The following RANBP2 variants were observed in gnomAD, a reference collection of about 807,000 sequenced individuals.
The protein encoded by RANBP2 is RAN binding protein 2, also known as E3 SUMO-protein ligase RanBP2.
A neutral mutation model predicts 303.6 loss-of-function variants in RANBP2; 57 were observed. The observed-to-expected ratio is 0.19, with a 90% confidence interval of 0.15 to 0.23. The LOEUF is 0.23. Ranked by LOEUF, RANBP2 falls within the 10% of genes least tolerant of loss-of-function variation. The probability of loss-of-function intolerance (pLI) is 1.00; values close to 1 mark genes in which losing one functional copy is unlikely to be tolerated. For synonymous variants in RANBP2, 1,167 were observed against 1,301.5 expected (o/e 0.90, Z 2.23); for missense variants, 3,138 against 3,780.8 (o/e 0.83, Z 4.46).
the RANBP2 span, among the ~76,000 whole-genome samples, chr2:109,722,974 G>C: frequency 6.6e-6 from 1 of 152,012 alleles, no homozygotes; most frequent in African/African-American, 2.4e-5. Flanking sequence ...ATTCCATTGC[G>C]TCTATACCCA....
At chr2:108,938,535 G>C in the RANBP2 span, among the ~76,000 whole-genome samples, 1 of 152,162 alleles carries the variant, frequency 6.6e-6, no homozygotes, top group Non-Finnish European at 1.5e-5. Flanking sequence ...TTCAGAGGGA[G>C]AGCACTTATC....
At chr2:109,296,747 C>T in the RANBP2 span, among the ~76,000 whole-genome samples, 4 of 152,106 alleles carry the variant, frequency 2.6e-5, no homozygotes, top group Non-Finnish European at 2.9e-5. Context: ...GCAGAGGATT[C>T]GCGTGGCCTG....
At chr2:109,651,327 T>C in the RANBP2 span, among the ~76,000 whole-genome samples, 2 of 152,068 alleles carry the variant, frequency 1.3e-5, no homozygotes, top group Admixed American at 6.5e-5. Context: ...TGAATATACA[T>C]AAGACTGGGC....
chr2:108,762,735 A>G (rs1165086509), intron 19 of RANBP2, among the ~76,000 whole-genome samples: 1 of 151,192 alleles, frequency 6.6e-6, no homozygotes, highest in Non-Finnish European at 1.5e-5. Flanking sequence ...AAAATGAGAT[A>G]ATAATGTAAA....
chr2:109,449,258 C>T, the RANBP2 span: 2 of 1,612,700 alleles, frequency 1.2e-6, no homozygotes, highest in Admixed American at 1.7e-5. Context: ...GCCTGCCTGC[C>T]ACCAGCCTCA....
chr2:109,447,248 A>T, the RANBP2 span, among the ~76,000 whole-genome samples: 11 of 151,768 alleles, frequency 7.2e-5, no homozygotes, highest in African/African-American at 2.7e-4. Flanking sequence ...TAGAAACAGC[A>T]GGCTGCCTAA....
chr2:109,374,590 G>A, the RANBP2 span, among the ~76,000 whole-genome samples: 1 of 152,162 alleles, frequency 6.6e-6, no homozygotes, highest in Non-Finnish European at 1.5e-5. Flanking sequence ...CTTCCATCTT[G>A]GGCTACTGCA....
At chr2:108,931,099 A>T in the RANBP2 span, 1 of 1,319,330 alleles carries the variant, frequency 7.6e-7, no homozygotes. Flanking sequence ...GGCTACCTTT[A>T]TTTAACCCCA....
At chr2:109,099,084 G>C in the RANBP2 span, among the ~76,000 whole-genome samples, 1 of 152,188 alleles carries the variant, frequency 6.6e-6, no homozygotes, top group African/African-American at 2.4e-5. Flanking sequence ...CTTTGAGAAA[G>C]GAACGAGTGG....
At chr2:109,005,226 G>A in the RANBP2 span, among the ~76,000 whole-genome samples, 1 of 152,192 alleles carries the variant, frequency 6.6e-6, no homozygotes, top group African/African-American at 2.4e-5. Flanking sequence ...CTGAAGCACT[G>A]CAGCAATCTA....
chr2:109,475,702 CT>C, the RANBP2 span, among the ~76,000 whole-genome samples: 1 of 152,248 alleles, frequency 6.6e-6, no homozygotes, highest in African/African-American at 2.4e-5. Flanking sequence ...CAGTAGCACG[CT>C]GCTGCACCCC....
chr2:108,851,911 G>A, the RANBP2 span, among the ~76,000 whole-genome samples: 1 of 152,110 alleles, frequency 6.6e-6, no homozygotes, highest in African/African-American at 2.4e-5. Flanking sequence ...TAGTGATGAG[G>A]TTTACAAAGG....
the RANBP2 span, among the ~76,000 whole-genome samples, chr2:109,434,636 G>A: frequency 1.3e-5 from 2 of 152,160 alleles, no homozygotes; most frequent in East Asian, 3.9e-4. Context: ...CTTGCTATAT[G>A]AAGCCTTGCC....
At chr2:109,073,448 C>T in the RANBP2 span, among the ~76,000 whole-genome samples, 3 of 151,956 alleles carry the variant, frequency 2.0e-5, no homozygotes, top group Non-Finnish European at 4.4e-5. Flanking sequence ...GTGGGTGGAT[C>T]ACGAGGTCAG....
the RANBP2 span, among the ~76,000 whole-genome samples, chr2:109,287,244 A>G: frequency 6.6e-6 from 1 of 152,190 alleles, no homozygotes; most frequent in Admixed American, 6.5e-5. Context: ...GGTCTAGCGA[A>G]TGGCCCCTTG....
chr2:109,556,195 TTG>T, the RANBP2 span, among the ~76,000 whole-genome samples: 2 of 152,280 alleles, frequency 1.3e-5, 1 homozygote, highest in Middle Eastern at 6.8e-3. Context: ...GTGTAGAATT[TTG>T]GAGGTATAAT....
chr2:109,264,360 G>T, the RANBP2 span, among the ~76,000 whole-genome samples: 2 of 147,926 alleles, frequency 1.4e-5, no homozygotes, highest in Non-Finnish European at 3.0e-5. Context: ...CGAGTCTGTG[G>T]GTGCTCCCCG....
the RANBP2 span, among the ~76,000 whole-genome samples, chr2:109,215,813 G>C: frequency 0.045 from 6,851 of 152,234 alleles, 494 homozygotes; most frequent in African/African-American, 0.16. Flanking sequence ...CCTGTGTTCA[G>C]GTTGCACGAG....
At chr2:109,493,786 C>G in the RANBP2 span, among the ~76,000 whole-genome samples, 2 of 152,074 alleles carry the variant, frequency 1.3e-5, no homozygotes, top group Non-Finnish European at 2.9e-5. Flanking sequence ...ACACACCAGG[C>G]AAACACACAT....
Sources: allele counts gnomAD v4.1 joint callset (sites outside exome capture counted in the v4.1 genomes callset), GRCh38; gene constraint gnomAD v4.1.1; transcripts MANE v1.5; gene names NCBI Gene and HGNC (gene_info 2026-07-23, HGNC 2026-07-21).